The following MET variants were observed in gnomAD, a reference collection of about 807,000 sequenced individuals.
The protein encoded by MET is MET proto-oncogene, receptor tyrosine kinase, also known as hepatocyte growth factor receptor.
In MET, 48 loss-of-function variants were observed where a neutral mutation model predicts 133.1. That is an observed-to-expected ratio of 0.36 (90% confidence interval 0.29 to 0.46). MET has a LOEUF of 0.46. MET is among the 20% of genes least tolerant of loss of function. MET has a pLI of 1.00. For missense variants in MET, 1,442 were observed against 1,695.9 expected (o/e 0.85, Z 2.63); for synonymous variants, 628 against 616.5 (o/e 1.02, Z -0.28).
chr7:116,757,654 G>A lies in MET; in HGVS notation c.1982G>A (p.Ser661Asn), dbSNP rs755139610. The A allele has an allele frequency of 6.2e-7, 1 of 1,613,956 alleles. No individual in the cohort carries two copies. The highest frequency in any genetic ancestry group is 8.5e-7 in the Non-Finnish European group (1 of 1,179,946). The change falls in exon 8 of 21, where the codon AGT (serine) becomes AAT (asparagine). Residue 661 changes from serine to asparagine, a missense_variant. Coordinates refer to ENST00000397752, the MANE Select transcript of MET (RefSeq NM_000245.4). ...CCCCTCCAGGATCCTGTAATAACAAGTATTTCGCCGAAATACGGTCCTATG... is the reference window on the plus strand; with the variant it reads ...CCCCTCCAGGATCCTGTAATAACAAATATTTCGCCGAAATACGGTCCTATG... ...TFSYVDPVIT[S>N]ISPKYGPMAG...
Position 116,740,090 on chromosome 7 carries a change from C to T in MET, c.1527+6C>T, listed in dbSNP as rs1793387165. On this transcript the variant is annotated splice_donor_region_variant and intron_variant, in intron 4 of 20. Transcript: ENST00000397752. ...TGGTTATCACTGGGAAGAAGGTAAG[C>T]TGTTCCCACAGGGAATTTCCATAGA... 1 of 1,613,894 alleles carries T rather than the reference C, an allele frequency of 6.2e-7. No homozygotes were observed. Among genetic ancestry groups the T allele is most frequent in the African/African-American group, 1.3e-5 (1 of 74,922 alleles).
intron 5 of MET, among the ~76,000 whole-genome samples, chr7:116,748,499 A>G (rs556537526): frequency 6.6e-6 from 1 of 152,200 alleles, no homozygotes; most frequent in African/African-American, 2.4e-5. Context: ...AATTTGTAGC[A>G]CTAAATGCCC....
At chr7:116,734,150 A>G (rs1192207235) in intron 3 of MET, among the ~76,000 whole-genome samples, 1 of 152,248 alleles carries the variant, frequency 6.6e-6, no homozygotes, top group Non-Finnish European at 1.5e-5. Context: ...TGTTAAATGT[A>G]TGGCTAGGCC....
chr7:116,724,716 C>A, intron 2 of MET: 1 of 847,114 alleles, frequency 1.2e-6, no homozygotes, highest in Non-Finnish European at 1.7e-6. Context: ...TGGAAGCCAC[C>A]CGGTAGAGCT....
rs566617956 is a variant in MET at position 116,796,103 on chromosome 7, C to T, written c.4152C>T (p.Ala1384=). 1.2e-6 allele frequency: 2 copies of T among 1,614,154 alleles called. No homozygotes were observed. Among genetic ancestry groups the T allele is most frequent in the East Asian group, 2.2e-5 (1 of 44,886 alleles). ...ATGATGAGGTGGACACACGACCAGC[C>T]TCCTTCTGGGAGACATCATAGTGCT... ...NADDEVDTRP[A]SFWETS The change falls in exon 21 of 21, where the codon GCC becomes GCT. Residue 1384 remains alanine (A), a synonymous_variant. Transcript: ENST00000397752.
rs563954693 is a variant in MET, at chr7:116,733,889, G to A, written c.1392+2030G>A. Among the ~76,000 whole-genome samples the A allele has an allele frequency of 7.8e-4, 118 of 152,072 alleles. 2 individuals are homozygous for A. In the South Asian group the frequency reaches 0.015, roughly 19 times the overall value. ...ATAATAATAGTACCTACAGACAAAGGGCTATTCGAAACCACAGAGAATCTA... is the reference window on the plus strand; with the variant it reads ...ATAATAATAGTACCTACAGACAAAGAGCTATTCGAAACCACAGAGAATCTA... On this transcript the variant is annotated intron_variant, in intron 3 of 20. Transcript: ENST00000397752.
At chr7:116,749,701 T>C (rs1176780606) in intron 5 of MET, among the ~76,000 whole-genome samples, 1 of 152,170 alleles carries the variant, frequency 6.6e-6, no homozygotes, top group African/African-American at 2.4e-5. Flanking sequence ...ATTGCATATT[T>C]AGAAAACCCC....
rs755804127 is a variant in MET at position 116,699,615 on chromosome 7, G to T, written c.531G>T (p.Val177=). The T allele has an allele frequency of 6.2e-7, 1 of 1,613,988 alleles. No homozygotes were observed. The highest frequency in any genetic ancestry group is 8.5e-7 in the Non-Finnish European group (1 of 1,179,946). ...CCAGCCAGTGTCCTGACTGTGTGGT[G>T]AGCGCCCTGGGAGCCAAAGTCCTTT... The part of the protein sequence containing the change: ...EEPSQCPDCV[V]SALGAKVLSS... The change falls in exon 2 of 21, where the codon GTG becomes GTT. Residue 177 remains valine, a synonymous_variant. Transcript: ENST00000397752.
In MET at chr7:116,763,207, T is replaced by TTAAG; in HGVS notation, c.2523_2526dup (p.Pro843Ter). The TTAAG allele has an allele frequency of 6.2e-7, 1 of 1,614,046 alleles. No individual in the cohort carries two copies. The highest frequency in any genetic ancestry group is 8.5e-7 in the Non-Finnish European group (1 of 1,179,976). On this transcript the variant is annotated frameshift_variant, in exon 11 of 21. Coordinates refer to ENST00000397752, the MANE Select transcript of MET (RefSeq NM_000245.4). LOFTEE classifies it high-confidence loss of function. ...CTCATTTATGTACATAATCCTGTGT[T>TTAAG]TAAGCCTTTTGAAAAGCCAGTGATG...
intron 16 of MET, among the ~76,000 whole-genome samples, chr7:116,778,056 T>C (rs545477729): frequency 3.7e-4 from 56 of 152,322 alleles, no homozygotes; most frequent in Admixed American, 2.0e-3. Flanking sequence ...TTTTAGCTGT[T>C]ATTGAGAAAA....
At chr7:116,688,034 T>C (rs1438510439) in intron 1 of MET, among the ~76,000 whole-genome samples, 2 of 152,248 alleles carry the variant, frequency 1.3e-5, no homozygotes, top group Non-Finnish European at 2.9e-5. Context: ...GCATAGTTCC[T>C]CGTTTGGAAT....
chr7:116,713,712 A>G (rs914530730), intron 2 of MET, among the ~76,000 whole-genome samples: 1 of 152,198 alleles, frequency 6.6e-6, no homozygotes, highest in Non-Finnish European at 1.5e-5. Flanking sequence ...AGGAGGGATA[A>G]GAGGTCATGA....
chr7:116,786,108 G>A (rs1795305234), intron 19 of MET, among the ~76,000 whole-genome samples: 1 of 152,240 alleles, frequency 6.6e-6, no homozygotes, highest in Non-Finnish European at 1.5e-5. Flanking sequence ...ATGTCAGCAT[G>A]GTTGGGCTCT....
chr7:116,774,185 CCT>C lies in MET; in HGVS notation c.3029-695_3029-694del, dbSNP rs1308429703. Among the ~76,000 whole-genome samples, 3 of 152,268 alleles carry C rather than the reference CCT, an allele frequency of 2.0e-5. No individual in the cohort carries two copies. In the East Asian group the frequency reaches 5.8e-4, roughly 29 times the overall value. On this transcript the variant is annotated intron_variant, in intron 14 of 20. Coordinates refer to ENST00000397752, the MANE Select transcript of MET (RefSeq NM_000245.4). ...ATTCTCCTTGCAAAAGGGAACTTTG[CCT>C]GAGGTTCTTACAGAGCTTTGGTTAT... is the stretch of plus-strand genomic sequence containing the variant.
chr7:116,746,583 T>C (rs1323814035), intron 5 of MET, among the ~76,000 whole-genome samples: 2 of 152,174 alleles, frequency 1.3e-5, no homozygotes, highest in Non-Finnish European at 2.9e-5. Context: ...ATATATGCCA[T>C]GGAATACTAT....
intron 11 of MET, among the ~76,000 whole-genome samples, chr7:116,765,867 A>C (rs1329735263): frequency 6.6e-6 from 1 of 152,156 alleles, no homozygotes; most frequent in East Asian, 1.9e-4. Context: ...AGATTAGCTG[A>C]TTTGTCTTGG....
chr7:116,686,561 G>T (rs1185749827), intron 1 of MET, among the ~76,000 whole-genome samples: 1 of 152,152 alleles, frequency 6.6e-6, no homozygotes, highest in Non-Finnish European at 1.5e-5. Context: ...CAGGGGTGTT[G>T]GGTTTTGTTT....
intron 2 of MET, among the ~76,000 whole-genome samples, chr7:116,713,808 C>T (rs1025018256): frequency 2.0e-5 from 3 of 152,088 alleles, no homozygotes; most frequent in Admixed American, 6.5e-5. Context: ...TTTCATCCAT[C>T]GTTCATCTCT....
intron 17 of MET, among the ~76,000 whole-genome samples, chr7:116,779,742 A>C (rs1476752378): frequency 6.6e-6 from 1 of 152,172 alleles, no homozygotes; most frequent in African/African-American, 2.4e-5. Flanking sequence ...AGAAGGTGAA[A>C]TATCTCACTA....
Sources: allele counts gnomAD v4.1 joint callset (sites outside exome capture counted in the v4.1 genomes callset), GRCh38; gene constraint gnomAD v4.1.1; transcripts MANE v1.5; gene names NCBI Gene and HGNC (gene_info 2026-07-23, HGNC 2026-07-21).